The following IP6K1 variants were observed in gnomAD, a reference collection of about 807,000 sequenced individuals.
IP6K1 encodes inositol hexakisphosphate kinase 1, also known as ATP:1D-myo-inositol-hexakisphosphate phosphotransferase.
In IP6K1, 13 loss-of-function variants were observed where a neutral mutation model predicts 38.3. The observed-to-expected ratio is 0.34, with a 90% CI of 0.22 to 0.54. IP6K1 has a LOEUF of 0.54. Among genes scored for constraint, IP6K1 ranks in the 20% least tolerant of loss-of-function variants. The probability of loss-of-function intolerance (pLI) is 0.92; values close to 1 mark genes in which losing one functional copy is unlikely to be tolerated. For missense variants in IP6K1, 397 were observed against 599.8 expected (o/e 0.66, Z 3.53); for synonymous variants, 212 against 229.9 (o/e 0.92, Z 0.70).
chr3:49,756,456 A>G (rs1226698540), intron 1 of IP6K1, among the ~76,000 whole-genome samples: 1 of 152,184 alleles, frequency 6.6e-6, no homozygotes, highest in South Asian at 2.1e-4. Context: ...GGGAAAGGAG[A>G]TATGTGAAGA....
chr3:49,774,803 G>C (rs920416248), intron 1 of IP6K1, among the ~76,000 whole-genome samples: 1 of 151,992 alleles, frequency 6.6e-6, no homozygotes, highest in Admixed American at 6.6e-5. Context: ...TGTGTACACT[G>C]AGTTATTGAA....
At chr3:49,752,093 A>C (rs542900045) in intron 1 of IP6K1, among the ~76,000 whole-genome samples, 3 of 152,118 alleles carry the variant, frequency 2.0e-5, no homozygotes, top group Admixed American at 1.3e-4. Context: ...GCAGCCTCTA[A>C]CTCCTGGGAT....
chr3:49,786,014 A>G (rs2081109705), intron 1 of IP6K1: 1 of 152,298 alleles, frequency 6.6e-6, no homozygotes. Flanking sequence ...CTCAGCCAGG[A>G]GCAACATAAC....
chr3:49,779,179 T>G (rs982987453), intron 1 of IP6K1, among the ~76,000 whole-genome samples: 3 of 152,228 alleles, frequency 2.0e-5, no homozygotes, highest in Non-Finnish European at 4.4e-5. Context: ...ACTTTCTGTT[T>G]CTATAGAATT....
At chr3:49,761,925 G>A (rs1273588793) in intron 1 of IP6K1, among the ~76,000 whole-genome samples, 1 of 151,908 alleles carries the variant, frequency 6.6e-6, no homozygotes, top group Non-Finnish European at 1.5e-5. Context: ...CAGCCTGGGT[G>A]ACAGAGTGAA....
intron 2 of IP6K1, among the ~76,000 whole-genome samples, chr3:49,747,474 G>C (rs563165940): frequency 6.6e-6 from 1 of 152,236 alleles, no homozygotes; most frequent in South Asian, 2.1e-4. Context: ...GCTTTAACCT[G>C]GAAGTATCCA....
chr3:49,728,228 A>G lies in IP6K1; in HGVS notation c.667T>C (p.Leu223=), dbSNP rs1254704278. 2 of 1,614,172 alleles carry G rather than the reference A, an allele frequency of 1.2e-6. No homozygotes were observed. The highest frequency in any genetic ancestry group is 1.1e-5 in the South Asian group (1 of 91,086). ...VVHHFKYPCV[L]DLKMGTRQHG... The stretch of plus-strand genomic sequence containing the variant: ...TGCCGCGTGCCCATCTTCAGGTCCA[A>G]CACGCAGGGGTACTTGAAGTGGTGC... Residue 223 remains leucine, a synonymous_variant, in exon 5 of 6, where the codon TTG becomes CTG. Transcript: ENST00000321599.
At chr3:49,753,216 C>T (rs1410330750) in intron 1 of IP6K1, among the ~76,000 whole-genome samples, 1 of 152,180 alleles carries the variant, frequency 6.6e-6, no homozygotes, top group African/African-American at 2.4e-5. Context: ...CATGATGTTC[C>T]TCAAACACAT....
At position 49,732,958 on chromosome 3, in the gene IP6K1, T is replaced by C; in HGVS notation, c.449A>G (p.Lys150Arg). ...LETSESSQEA[K>R]SPKVELHSHS... ...GCTGTGCAGCTCCACCTTCGGACTCTTTGCCTCCTGTGAGCTAAGAAGGAA... is the reference window on the plus strand; with the variant it reads ...GCTGTGCAGCTCCACCTTCGGACTCCTTGCCTCCTGTGAGCTAAGAAGGAA... Residue 150 changes from lysine (K) to arginine (R), a missense_variant, in exon 4 of 6, where the codon AAG becomes AGG. Transcript: ENST00000321599. 1 of 1,612,696 alleles carries C rather than the reference T, an allele frequency of 6.2e-7. No individual in the cohort carries two copies. The highest frequency in any genetic ancestry group is 8.5e-7 in the Non-Finnish European group (1 of 1,179,006).
rs1559700712 is a variant in IP6K1 at position 49,728,150 on chromosome 3, C to T, written c.745G>A (p.Glu249Lys). 5 of 1,614,100 alleles carry T rather than the reference C, an allele frequency of 3.1e-6. No individual in the cohort carries two copies. Among genetic ancestry groups the T allele is most frequent in the Non-Finnish European group, 4.2e-6 (5 of 1,180,030 alleles). Reference sequence around the variant, plus strand: ...CCCAGCGTGGCTGATGTGCTCTGCTCGCATTTCCGCATCTGCCGGGCTGCC... The same window carrying T: ...CCCAGCGTGGCTGATGTGCTCTGCTTGCATTTCCGCATCTGCCGGGCTGCC... The part of the protein sequence containing the change: ...EKAARQMRKC[E>K]QSTSATLGVR... The change falls in exon 5 of 6, where the codon GAG becomes AAG. Residue 249 changes from glutamate (E) to lysine (K), a missense_variant. Around this residue, in one of 3 missense-constraint regions of IP6K1, gnomAD observed 62 missense variants for 149.2 expected, o/e 0.42. Transcript: ENST00000321599.
At chr3:49,759,813 T>C (rs187804442) in intron 1 of IP6K1, among the ~76,000 whole-genome samples, 1 of 152,332 alleles carries the variant, frequency 6.6e-6, no homozygotes, top group Admixed American at 6.5e-5. Flanking sequence ...ACAACCAGCA[T>C]AATGCCTCAC....
chr3:49,774,379 G>T (rs1203177572), intron 1 of IP6K1, among the ~76,000 whole-genome samples: 2 of 128,404 alleles, frequency 1.6e-5, no homozygotes, highest in Non-Finnish European at 3.1e-5. Context: ...CTGCAGTCCA[G>T]CCTGGGCGAA....
chr3:49,774,712 G>T (rs2080991413), intron 1 of IP6K1, among the ~76,000 whole-genome samples: 1 of 152,270 alleles, frequency 6.6e-6, no homozygotes, highest in East Asian at 1.9e-4. Context: ...TTAAAGTCTA[G>T]AACACTTAGC....
chr3:49,752,910 A>C (rs1167238422), intron 1 of IP6K1, among the ~76,000 whole-genome samples: 1 of 151,426 alleles, frequency 6.6e-6, no homozygotes, highest in East Asian at 2.0e-4. Context: ...GCACCCCACC[A>C]TGCCCAGCTA....
intron 1 of IP6K1, among the ~76,000 whole-genome samples, chr3:49,756,654 C>T (rs1250157153): frequency 6.6e-6 from 1 of 151,838 alleles, no homozygotes; most frequent in Non-Finnish European, 1.5e-5. Flanking sequence ...CCTGTCTCTA[C>T]TAATACAAAA....
intron 1 of IP6K1, among the ~76,000 whole-genome samples, chr3:49,772,323 TAATA>T (rs1043772202): frequency 1.4e-4 from 20 of 147,702 alleles, no homozygotes; most frequent in Non-Finnish European, 2.1e-4. Flanking sequence ...TTTATATATA[TAATA>T]TATAGGAAGA....
chr3:49,747,745 A>G, intron 2 of IP6K1, 73 bp downstream of exon 2: 1 of 1,586,396 alleles, frequency 6.3e-7, no homozygotes, highest in South Asian at 1.1e-5. Flanking sequence ...TGGCAAACAA[A>G]CCAAGAAAAA....
chr3:49,759,489 C>A (rs2080850573), intron 1 of IP6K1, among the ~76,000 whole-genome samples: 1 of 152,184 alleles, frequency 6.6e-6, no homozygotes, highest in Non-Finnish European at 1.5e-5. Flanking sequence ...GGACCTCCAT[C>A]TCAAGGGCCA....
At chr3:49,759,129 T>G (rs993223499) in intron 1 of IP6K1, among the ~76,000 whole-genome samples, 1 of 152,082 alleles carries the variant, frequency 6.6e-6, no homozygotes, top group African/African-American at 2.4e-5. Context: ...ACCACAAAAC[T>G]GTTAGGACTC....
Sources: gnomAD v4.1 joint callset for allele counts (sites outside exome capture counted in the v4.1 genomes callset) on GRCh38, gnomAD v4.1.1 for gene constraint, gnomAD v4.1.1 regional missense constraint, MANE v1.5 for transcripts, NCBI Gene and HGNC (gene_info 2026-07-23, HGNC 2026-07-21) for gene names.